Variants in LRRFIP2 observed in about 807,000 individuals in gnomAD.
LRRFIP2 encodes leucine-rich repeat flightless-interacting protein 2.
A neutral mutation model predicts 125.9 loss-of-function variants in LRRFIP2; 109 were observed. The observed-to-expected ratio is 0.87, with a 90% CI of 0.74 to 1.01. The LOEUF is 1.01. Among genes scored for constraint, LRRFIP2 ranks in the 50% least tolerant of loss-of-function variants. The pLI is 0.00. For missense variants in LRRFIP2, 850 were observed against 862.3 expected, an observed-to-expected ratio of 0.99 and a Z score of 0.18; for synonymous variants, 291 against 293.1, an observed-to-expected ratio of 0.99 and a Z score of 0.07.
At position 37,055,726 on chromosome 3, in the gene LRRFIP2, AT is replaced by A. The variant is rs1445650351; in HGVS notation, c.1871-562del. On this transcript the variant is annotated intron_variant, in intron 25 of 27. Coordinates refer to ENST00000336686, the MANE Select transcript of LRRFIP2 (RefSeq NM_006309.4). ...AGAAGAAAATTCTTTACCCTATGATATGTGTGAGCAGGGCTTGAGAAAGGAG... is the reference window on the plus strand; with the variant it reads ...AGAAGAAAATTCTTTACCCTATGATAGTGTGAGCAGGGCTTGAGAAAGGAG... Among the ~76,000 whole-genome samples, 3 of 152,272 alleles carry A rather than the reference AT, an allele frequency of 2.0e-5. No homozygotes were observed. In the East Asian group the frequency reaches 5.8e-4, roughly 29 times the overall value.
intron 2 of LRRFIP2, chr3:37,143,742 T>G (rs1233617663): frequency 1.2e-5 from 2 of 166,536 alleles, no homozygotes; most frequent in African/African-American, 4.8e-5. Context: ...GGGTACCAGA[T>G]CCTGGTCAGG....
At chr3:37,108,823 G>A in intron 11 of LRRFIP2, 139 bp from the exon 12 acceptor site, 1 of 602,020 alleles carries the variant, frequency 1.7e-6, no homozygotes, top group East Asian at 2.9e-5. Context: ...TGAAAACCCT[G>A]AAGGCGGTAA....
intron 6 of LRRFIP2, among the ~76,000 whole-genome samples, chr3:37,116,772 T>A (rs1365073203): frequency 1.3e-5 from 2 of 152,142 alleles, no homozygotes; most frequent in Admixed American, 1.3e-4. Context: ...ACAAAAAACA[T>A]TGCAGAAACC....
At chr3:37,153,690 TC>T (rs1337735366) in intron 1 of LRRFIP2, among the ~76,000 whole-genome samples, 1 of 152,152 alleles carries the variant, frequency 6.6e-6, no homozygotes, top group Non-Finnish European at 1.5e-5. Context: ...CAAAATGGTT[TC>T]AACAAGCTCC....
At chr3:37,077,328 G>C (rs1174125333) in intron 19 of LRRFIP2, among the ~76,000 whole-genome samples, 1 of 152,184 alleles carries the variant, frequency 6.6e-6, no homozygotes, top group Admixed American at 6.5e-5. Context: ...CATCCATACT[G>C]TGGAATAATT....
chr3:37,142,346 CCCAG>C (rs1461397930), intron 2 of LRRFIP2, among the ~76,000 whole-genome samples: 1 of 151,842 alleles, frequency 6.6e-6, no homozygotes, highest in Non-Finnish European at 1.5e-5. Context: ...ACCATGTTGC[CCCAG>C]CCAGCTGGTC....
chr3:37,148,801 G>T, intron 2 of LRRFIP2, 93 bp downstream of exon 2: 1 of 1,363,956 alleles, frequency 7.3e-7, no homozygotes, highest in Non-Finnish European at 1.0e-6. Context: ...TCTGAAACTA[G>T]TTCAATGAGT....
rs180883245 is a variant in LRRFIP2, at chr3:37,128,091, G to T, written c.178-411C>A. On this transcript the variant is annotated intron_variant, in intron 3 of 27. Coordinates refer to ENST00000336686, the MANE Select transcript of LRRFIP2 (RefSeq NM_006309.4). The stretch of plus-strand genomic sequence containing the variant: ...ATAATTTTAGGAGTAAAAAGACAAC[G>T]GATTGCAACACTTCCTCTTCAAGAA... Among the ~76,000 whole-genome samples, 17 of 152,096 alleles carry T rather than the reference G, an allele frequency of 1.1e-4. No homozygotes were observed. The East Asian group carries it at 3.3e-3, about 29-fold the overall frequency.
chr3:37,085,888 T>C (rs2093012215), intron 18 of LRRFIP2, among the ~76,000 whole-genome samples: 1 of 152,076 alleles, frequency 6.6e-6, no homozygotes, highest in African/African-American at 2.4e-5. Flanking sequence ...GGCCCAAATG[T>C]AAAACCTTTA....
At chr3:37,162,179 AAGAG>A (rs755631823) in intron 1 of LRRFIP2, among the ~76,000 whole-genome samples, 3 of 140,036 alleles carry the variant, frequency 2.1e-5, no homozygotes, top group East Asian at 4.0e-4. Flanking sequence ...AAAAAAAAAG[AAGAG>A]AGAGAGAGAG....
At chr3:37,123,137 T>TTGA (rs2095128273) in intron 4 of LRRFIP2, among the ~76,000 whole-genome samples, 1 of 152,250 alleles carries the variant, frequency 6.6e-6, no homozygotes, top group African/African-American at 2.4e-5. Context: ...TAATCAGGTA[T>TTGA]TCTGATCTTT....
In LRRFIP2 at chr3:37,053,615, A is replaced by AAAAT. The variant is rs1325474613; in HGVS notation, c.*232_*235dup. On this transcript the variant is annotated 3_prime_UTR_variant, in exon 28 of 28. Transcript: ENST00000336686. ...CATGATTCTACAATTACGGAGATAA[A>AAAAT]AAATAAAAACAGCATGGACTGGTTC... The AAAAT allele has an allele frequency of 1.1e-5, 5 of 466,834 alleles. No individual in the cohort carries two copies. The East Asian group carries it at 1.9e-4, about 18-fold the overall frequency. The allele number at this position is 466,834 out of a possible 1,614,324, so 28.9% of individuals were successfully genotyped here.
intron 17 of LRRFIP2, among the ~76,000 whole-genome samples, chr3:37,092,144 G>A (rs2093476550): frequency 6.6e-6 from 1 of 152,202 alleles, no homozygotes; most frequent in African/African-American, 2.4e-5. Flanking sequence ...TTTAAATGAT[G>A]AGAAAAGCAC....
intron 19 of LRRFIP2, among the ~76,000 whole-genome samples, chr3:37,082,065 T>C (rs1169436413): frequency 1.3e-5 from 2 of 152,144 alleles, no homozygotes; most frequent in African/African-American, 4.8e-5. Flanking sequence ...GATGGAAAGA[T>C]AATTCATTTT....
intron 2 of LRRFIP2, chr3:37,134,583 G>A (rs1037097582): frequency 1.6e-5 from 8 of 513,728 alleles, no homozygotes; most frequent in Admixed American, 6.4e-5. Flanking sequence ...TCCCACCTCC[G>A]GGATAACCAG....
intron 1 of LRRFIP2, among the ~76,000 whole-genome samples, chr3:37,159,236 A>G (rs1189278771): frequency 6.6e-6 from 1 of 152,212 alleles, no homozygotes; most frequent in Non-Finnish European, 1.5e-5. Context: ...ATTTGTTGAA[A>G]AGACCATTGT....
At chr3:37,176,253 T>C (rs899332941), upstream of LRRFIP2, 5 of 152,270 alleles carry the variant, frequency 3.3e-5, no homozygotes, top group African/African-American at 1.2e-4. Flanking sequence ...CAGGCCGATG[T>C]GCCCTCTGCG....
chr3:37,059,104 G>A (rs1316743871), intron 24 of LRRFIP2, among the ~76,000 whole-genome samples, 194 bp from the exon 25 acceptor site: 2 of 152,114 alleles, frequency 1.3e-5, no homozygotes, highest in Non-Finnish European at 2.9e-5. Flanking sequence ...AACAAACATC[G>A]AAAAGAGCAA....
intron 2 of LRRFIP2, among the ~76,000 whole-genome samples, chr3:37,144,211 A>G (rs1215278129): frequency 2.6e-5 from 4 of 152,250 alleles, no homozygotes; most frequent in Non-Finnish European, 5.9e-5. Context: ...ATGAACAAGA[A>G]GGACACATTT....
Sources: allele counts gnomAD v4.1 joint callset (sites outside exome capture counted in the v4.1 genomes callset), GRCh38; gene constraint gnomAD v4.1.1; transcripts MANE v1.5; gene names NCBI Gene and HGNC (gene_info 2026-07-23, HGNC 2026-07-21).